Variants in PIWIL2 observed in about 807,000 individuals in gnomAD.
PIWIL2 encodes piwi-like protein 2.
In PIWIL2, 81 loss-of-function variants were observed where a neutral mutation model predicts 116.5. That is an observed-to-expected ratio of 0.70 (90% CI 0.58 to 0.84). PIWIL2 has a LOEUF of 0.84. Among genes scored for constraint, PIWIL2 ranks in the 40% least tolerant of loss-of-function variants. The pLI is 0.00. For missense variants in PIWIL2, 1,272 were observed against 1,212.3 expected (o/e 1.05, Z -0.73); for synonymous variants, 489 against 429.5 (o/e 1.14, Z -1.71).
Position 22,281,513 on chromosome 8 carries a change from T to C in PIWIL2, c.423T>C (p.Ser141=). ...SKMAETSVGW[S]RTLGRGSSDA... ...TGGCAGAGACCTCCGTTGGTTGGAG[T>C]AGGTGGGTAAAGTTACCCTCTCAGG... The change falls in exon 4 of 23, where the codon AGT becomes AGC. Residue 141 remains serine (S), a splice_region_variant and synonymous_variant. Transcript: ENST00000356766. 1.3e-6 allele frequency: 2 copies of C among 1,569,240 alleles called. No individual in the cohort carries two copies. The highest frequency in any genetic ancestry group is 1.7e-6 in the Non-Finnish European group (2 of 1,166,744).
chr8:22,304,140 G>A lies in PIWIL2; in HGVS notation c.1301G>A (p.Trp434Ter). The A allele has an allele frequency of 1.2e-6, 2 of 1,613,262 alleles. No homozygotes were observed. The highest frequency in any genetic ancestry group is 1.7e-6 in the Non-Finnish European group (2 of 1,179,288). The part of the protein sequence containing the change: ...NRTYRIDDVD[W>*]NKTPKDSFTM... ...ACCTATCGTATTGATGATGTGGATT[G>A]GAATAAGACTCCAAAGGATAGCTTC... The change falls in exon 11 of 23, where the codon TGG becomes TAG. Residue 434 changes from tryptophan (W) to a stop codon, truncating the protein, a stop_gained. Coordinates refer to ENST00000356766, the MANE Select transcript of PIWIL2 (RefSeq NM_018068.5). LOFTEE classifies it high-confidence loss of function.
At chr8:22,326,200 C>T (rs552960661) in intron 20 of PIWIL2, among the ~76,000 whole-genome samples, 2 of 150,976 alleles carry the variant, frequency 1.3e-5, no homozygotes, top group East Asian at 1.9e-4. Flanking sequence ...ACATGTCCTG[C>T]TTGCTTGCTT....
At chr8:22,334,231 TC>T (rs1478691707) in intron 20 of PIWIL2, among the ~76,000 whole-genome samples, 1 of 151,848 alleles carries the variant, frequency 6.6e-6, no homozygotes, top group Non-Finnish European at 1.5e-5. Context: ...TTCCTTGGCC[TC>T]CCAAAGTGCT....
chr8:22,347,169 CAAA>C (rs757849935), intron 20 of PIWIL2, among the ~76,000 whole-genome samples: 15 of 75,160 alleles, frequency 2.0e-4, no homozygotes, highest in Admixed American at 1.4e-3. Flanking sequence ...GACGTTGTCT[CAAA>C]AAAAAAAAAA....
intron 20 of PIWIL2, among the ~76,000 whole-genome samples, chr8:22,324,328 C>A (rs531235349): frequency 6.6e-6 from 1 of 152,118 alleles, no homozygotes; most frequent in Non-Finnish European, 1.5e-5. Context: ...CCTCAGATAT[C>A]ATTCTTCCTT....
Position 22,279,396 on chromosome 8 carries a change from T to C in PIWIL2, c.10T>C (p.Phe4Leu). 1 of 1,614,080 alleles carries C rather than the reference T, an allele frequency of 6.2e-7. No individual in the cohort carries two copies. Residue 4 changes from phenylalanine to leucine, a missense_variant, in exon 2 of 23, where the codon TTC becomes CTC. Phe to Leu is a conservative substitution (Grantham distance 22, BLOSUM62 0). Coordinates refer to ENST00000356766, the MANE Select transcript of PIWIL2 (RefSeq NM_018068.5). ...TCTCTACAGCCCGTCCATGGATCCT[T>C]TCCGACCATCGTTCAGGGGCCAGTC... Reference protein sequence around the residue: MDPFRPSFRGQSPI... With the variant: MDPLRPSFRGQSPI...
intron 10 of PIWIL2, among the ~76,000 whole-genome samples, chr8:22,299,541 C>T (rs544914579): frequency 1.3e-5 from 2 of 152,112 alleles, no homozygotes; most frequent in Non-Finnish European, 2.9e-5. Context: ...TGAAATACCA[C>T]CTTATTCTAC....
rs111756879 is a variant in PIWIL2 at position 22,321,191 on chromosome 8, A to AT, written c.2403+2929dup. On this transcript the variant is annotated intron_variant, in intron 20 of 22. Coordinates refer to ENST00000356766, the MANE Select transcript of PIWIL2 (RefSeq NM_018068.5). ...TATAAATGTTCTCTGAATCAAAAGA[A>AT]TTTTTTTTTTTTTGAGACAGGTTCT... Among the ~76,000 whole-genome samples the AT allele has an allele frequency of 4.8e-3, 709 of 147,194 alleles. 8 individuals carry two copies. The highest frequency in any genetic ancestry group is 0.015 in the African/African-American group (603 of 40,388).
In PIWIL2 at chr8:22,347,540, T is replaced by A. The variant is rs1458680573; in HGVS notation, c.2404-5419T>A. Among the ~76,000 whole-genome samples, 63 of 102,804 alleles carry A rather than the reference T, an allele frequency of 6.1e-4. 1 individual carries two copies. In the East Asian group the frequency reaches 0.018, roughly 29 times the overall value. 67.4% of individuals were successfully genotyped at this position (102,804 alleles called of 152,430 possible). A position where few individuals can be genotyped will look rare whatever the true frequency, so the allele number is the denominator to read the frequency against. ...CCTTTTTTTTTTTTTTTTTTTTTTT[T>A]ATTTGAGACGGAGTCCTGCTCTGTT... On this transcript the variant is annotated intron_variant, in intron 20 of 22. Transcript: ENST00000356766.
At chr8:22,349,051 C>CTT (rs35385064) in intron 20 of PIWIL2, among the ~76,000 whole-genome samples, 7,961 of 136,724 alleles carry the variant, frequency 0.058, 314 homozygotes, top group Admixed American at 0.087. Context: ...TTTCTTTTTT[C>CTT]TTTTTTTTTT....
At chr8:22,345,029 C>T (rs1459196857) in intron 20 of PIWIL2, among the ~76,000 whole-genome samples, 1 of 152,028 alleles carries the variant, frequency 6.6e-6, no homozygotes, top group East Asian at 1.9e-4. Flanking sequence ...AAAAGTTAAG[C>T]ATGCCGGGCT....
At chr8:22,323,287 A>G (rs1379112938) in intron 20 of PIWIL2, among the ~76,000 whole-genome samples, 2 of 151,804 alleles carry the variant, frequency 1.3e-5, no homozygotes, top group Non-Finnish European at 2.9e-5. Flanking sequence ...AGCTGGGACT[A>G]TAGGCGTGTG....
At chr8:22,338,146 T>C (rs1050773001) in intron 20 of PIWIL2, among the ~76,000 whole-genome samples, 2 of 151,758 alleles carry the variant, frequency 1.3e-5, no homozygotes, top group Non-Finnish European at 2.9e-5. Context: ...CTCATGTTTA[T>C]GGATTGGAAG....
chr8:22,332,481 C>A (rs769456859), intron 20 of PIWIL2, among the ~76,000 whole-genome samples: 10 of 151,992 alleles, frequency 6.6e-5, no homozygotes, highest in African/African-American at 1.5e-4. Flanking sequence ...ACCATAGATT[C>A]AGAAAGCCCA....
At chr8:22,306,177 A>G (rs1485776563) in intron 13 of PIWIL2, among the ~76,000 whole-genome samples, 161 bp downstream of exon 13, 2 of 152,182 alleles carry the variant, frequency 1.3e-5, no homozygotes, top group Non-Finnish European at 2.9e-5. Flanking sequence ...CCTCTGTAAA[A>G]CATGATCCAT....
chr8:22,342,703 G>T (rs1832138686), intron 20 of PIWIL2, among the ~76,000 whole-genome samples: 1 of 152,092 alleles, frequency 6.6e-6, no homozygotes, highest in African/African-American at 2.4e-5. Flanking sequence ...TTTGGGTTTG[G>T]TGATTACTTT....
At chr8:22,318,071 T>C (rs143454931) in intron 19 of PIWIL2, 99 bp from the exon 20 acceptor site, 8,895 of 685,140 alleles carry the variant, frequency 0.013, 83 homozygotes, top group Middle Eastern at 0.034. Context: ...TTGGATTGAT[T>C]GGTAGAGAAA....
intron 10 of PIWIL2, among the ~76,000 whole-genome samples, chr8:22,301,812 G>A (rs976761881): frequency 6.6e-6 from 1 of 151,900 alleles, no homozygotes; most frequent in Non-Finnish European, 1.5e-5. Context: ...GTCAGGTAAC[G>A]GTCTGAGTTC....
intron 20 of PIWIL2, among the ~76,000 whole-genome samples, chr8:22,322,590 C>T (rs1366979366): frequency 1.5e-5 from 2 of 134,026 alleles, no homozygotes; most frequent in African/African-American, 2.7e-5. Context: ...TGTCCCGTCC[C>T]GTCCTGTCCC....
Sources: gnomAD v4.1 joint callset for allele counts (sites outside exome capture counted in the v4.1 genomes callset) on GRCh38, gnomAD v4.1.1 for gene constraint, MANE v1.5 for transcripts, NCBI Gene and HGNC (gene_info 2026-07-23, HGNC 2026-07-21) for gene names.